Variants in LANCL2 observed in about 807,000 individuals in gnomAD.
LANCL2 encodes the protein lanC-like protein 2.
LANCL2 carries 33 observed loss-of-function variants against 56.9 expected under a neutral mutation model. The ratio of observed to expected loss-of-function variants is 0.58; its 90% CI spans 0.44 to 0.78. The LOEUF is 0.78. Ranked by LOEUF, LANCL2 falls within the 30% of genes least tolerant of loss-of-function variation. LANCL2 has a pLI of 0.00. For missense variants in LANCL2, 562 were observed against 580.2 expected (o/e 0.97, Z 0.32); for synonymous variants, 233 against 228.2 (o/e 1.02, Z -0.19).
intron 5 of LANCL2, among the ~76,000 whole-genome samples, chr7:55,407,240 G>C (rs1462956811): frequency 6.6e-6 from 1 of 152,146 alleles, no homozygotes; most frequent in Non-Finnish European, 1.5e-5. Context: ...GTGAAGCACA[G>C]AACTAAAAAT....
intron 1 of LANCL2, among the ~76,000 whole-genome samples, chr7:55,371,262 AGGGTCTC>A (rs1789940746): frequency 6.6e-6 from 1 of 151,960 alleles, no homozygotes; most frequent in African/African-American, 2.4e-5. Context: ...TTTTCGAGAC[AGGGTCTC>A]ACTCTGTTGT....
At chr7:55,366,377 C>T (rs963958741) in intron 1 of LANCL2, 148 bp downstream of exon 1, 4 of 638,536 alleles carry the variant, frequency 6.3e-6, no homozygotes, top group Admixed American at 3.9e-5. Flanking sequence ...CGGGCCTTCC[C>T]GATGAGCCGC....
At chr7:55,419,217 ATTTT>A (rs1426004211) in intron 6 of LANCL2, among the ~76,000 whole-genome samples, 3 of 151,908 alleles carry the variant, frequency 2.0e-5, no homozygotes, top group Non-Finnish European at 4.4e-5. Context: ...TTGTGGGAAA[ATTTT>A]TTATTATGAA....
intron 1 of LANCL2, among the ~76,000 whole-genome samples, chr7:55,369,728 A>C (rs917022935): frequency 2.6e-5 from 4 of 152,150 alleles, no homozygotes; most frequent in African/African-American, 9.7e-5. Context: ...CTGATGTTCA[A>C]GTCCAACCAG....
chr7:55,391,954 AT>A, intron 2 of LANCL2, 44 bp downstream of exon 2: 1 of 1,100,750 alleles, frequency 9.1e-7, no homozygotes, highest in Non-Finnish European at 1.4e-6. Flanking sequence ...TTATTCTTAG[AT>A]TATGAGATGT....
Position 55,398,647 on chromosome 7 carries a change from GA to G in LANCL2, c.530+20del. On this transcript the variant is annotated intron_variant, in intron 3 of 8. Coordinates refer to ENST00000254770, the MANE Select transcript of LANCL2 (RefSeq NM_018697.4). ...TGTCACAAAGTGAGTTTTAGAACTG[GA>G]AACATTTTCTCCCAATTCCCAGTGG... The G allele has an allele frequency of 6.3e-7, 1 of 1,592,038 alleles. No homozygotes were observed. Among genetic ancestry groups the G allele is most frequent in the Non-Finnish European group, 8.6e-7 (1 of 1,161,398 alleles).
rs573518825 is a variant in LANCL2 at position 55,424,086 on chromosome 7, G to GTGA, written c.1009-1164_1009-1162dup. ...AGGGACCTGACCTGCCACCCAAGTA[G>GTGA]TGATGACCTTTGTGCCTCTGATTCA... On this transcript the variant is annotated intron_variant, in intron 6 of 8. Coordinates refer to ENST00000254770, the MANE Select transcript of LANCL2 (RefSeq NM_018697.4). Among the ~76,000 whole-genome samples the GTGA allele has an allele frequency of 4.4e-3, 672 of 152,250 alleles. 4 individuals are homozygous for GTGA. Among genetic ancestry groups the GTGA allele is most frequent in the Middle Eastern group, 0.02 (6 of 294 alleles).
chr7:55,381,029 G>A (rs1393942536), intron 1 of LANCL2, among the ~76,000 whole-genome samples: 8 of 151,968 alleles, frequency 5.3e-5, no homozygotes, highest in East Asian at 1.9e-4. Context: ...GTGCCACCAC[G>A]CCTGGCTAAT....
At chr7:55,401,545 A>ATTTTTTTTTTTTTTTT (rs1562863981) in intron 5 of LANCL2, among the ~76,000 whole-genome samples, 1 of 31,890 alleles carries the variant, frequency 3.1e-5, no homozygotes, top group African/African-American at 1.3e-4. Flanking sequence ...TTTTTTTCCA[A>ATTTTTTTTTTTTTTTT]TTTTCTTTTT....
At chr7:55,415,258 C>A (rs758186652) in intron 6 of LANCL2, among the ~76,000 whole-genome samples, 12 of 152,128 alleles carry the variant, frequency 7.9e-5, no homozygotes, top group Admixed American at 1.3e-4. Context: ...GCATATAATA[C>A]CCCCACCAGG....
chr7:55,366,452 A>G (rs1003229223), intron 1 of LANCL2, among the ~76,000 whole-genome samples: 5 of 152,216 alleles, frequency 3.3e-5, no homozygotes, highest in South Asian at 4.1e-4. Context: ...CCTGGCCCCA[A>G]CGCGCCTTTG....
chr7:55,406,669 G>A (rs990158900), intron 5 of LANCL2, among the ~76,000 whole-genome samples: 5 of 152,222 alleles, frequency 3.3e-5, no homozygotes, highest in African/African-American at 1.2e-4. Flanking sequence ...GTTTCAACTG[G>A]AGGGTGTCGT....
At chr7:55,420,815 G>A (rs748310786) in intron 6 of LANCL2, among the ~76,000 whole-genome samples, 6 of 152,114 alleles carry the variant, frequency 3.9e-5, no homozygotes, top group Non-Finnish European at 7.4e-5. Context: ...TATTTGTTTC[G>A]GCTGTTTGTT....
At chr7:55,414,721 T>A (rs1790507066) in intron 6 of LANCL2, among the ~76,000 whole-genome samples, 1 of 152,056 alleles carries the variant, frequency 6.6e-6, no homozygotes, top group South Asian at 2.1e-4. Flanking sequence ...GGCTCACACC[T>A]GTAATCCCAG....
At chr7:55,402,464 C>T (rs1327885576) in intron 5 of LANCL2, among the ~76,000 whole-genome samples, 6 of 141,814 alleles carry the variant, frequency 4.2e-5, no homozygotes, top group South Asian at 2.2e-4. Context: ...GGCGGCTGGC[C>T]GGGCAGAGGG....
rs769399790 is a variant in LANCL2 at position 55,366,253 on chromosome 7, A to G, written c.204+24A>G. The G allele has an allele frequency of 2.5e-5, 37 of 1,454,874 alleles. No individual in the cohort carries two copies. In the South Asian group the frequency reaches 4.3e-4, roughly 17 times the overall value. 90.1% of individuals were successfully genotyped at this position (1,454,874 alleles called of 1,614,324 possible). On this transcript the variant is annotated intron_variant, in intron 1 of 8. Coordinates refer to ENST00000254770, the MANE Select transcript of LANCL2 (RefSeq NM_018697.4). ...AGGTGAGTCGGCGGCCTGGCCGCAGAGGCGCCGGAGGGGGAGCGCGGCGGT... is the reference window on the plus strand; with the variant it reads ...AGGTGAGTCGGCGGCCTGGCCGCAGGGGCGCCGGAGGGGGAGCGCGGCGGT...
At chr7:55,418,417 G>A (rs1790569596) in intron 6 of LANCL2, among the ~76,000 whole-genome samples, 1 of 150,770 alleles carries the variant, frequency 6.6e-6, no homozygotes, top group Non-Finnish European at 1.5e-5. Context: ...CAAGTTCAAG[G>A]GTTCTACCCA....
At position 55,415,621 on chromosome 7, in the gene LANCL2, C is replaced by CTTTCTTTTTTTTTTT. The variant is rs149792554; in HGVS notation, c.1008+3535_1008+3536insCTTTTTTTTTTTTTT. ...CCATAGTTTATCATTGTTTTTCTTTCTTTTTTTTGAGACACAGTGTCGCTC... is the reference window on the plus strand; with the variant it reads ...CCATAGTTTATCATTGTTTTTCTTTCTTTCTTTTTTTTTTTTTTTTTTTGAGACACAGTGTCGCTC... On this transcript the variant is annotated intron_variant, in intron 6 of 8. Transcript: ENST00000254770. 1.2e-3 allele frequency among the ~76,000 whole-genome samples: 130 copies of CTTTCTTTTTTTTTTT among 111,800 alleles called. 3 individuals carry two copies. Among genetic ancestry groups the CTTTCTTTTTTTTTTT allele is most frequent in the Middle Eastern group, 5.2e-3 (1 of 192 alleles). 73.3% of individuals were successfully genotyped at this position (111,800 alleles called of 152,430 possible).
chr7:55,403,836 C>G (rs1213032183), intron 5 of LANCL2, among the ~76,000 whole-genome samples: 1 of 152,058 alleles, frequency 6.6e-6, no homozygotes, highest in Non-Finnish European at 1.5e-5. Flanking sequence ...TCCCAAAATG[C>G]TAGGATTATA....
Sources: gnomAD v4.1 joint callset for allele counts (sites outside exome capture counted in the v4.1 genomes callset) on GRCh38, gnomAD v4.1.1 for gene constraint, MANE v1.5 for transcripts, NCBI Gene and HGNC (gene_info 2026-07-23, HGNC 2026-07-21) for gene names.